Variants in ARHGEF11 observed in about 807,000 individuals in gnomAD.
ARHGEF11 encodes Rho guanine nucleotide exchange factor 11.
ARHGEF11 carries 55 observed loss-of-function variants against 193.7 expected under a neutral mutation model. That is an observed-to-expected ratio of 0.28 (90% CI 0.23 to 0.36). The LOEUF is 0.36. Among genes scored for constraint, ARHGEF11 ranks in the 10% least tolerant of loss-of-function variants. ARHGEF11 has a pLI of 1.00. For synonymous variants in ARHGEF11, 693 were observed against 768.0 expected, an observed-to-expected ratio of 0.90 and a Z score of 1.62; for missense variants, 1,723 against 2,005.6, an observed-to-expected ratio of 0.86 and a Z score of 2.69.
intron 1 of ARHGEF11, among the ~76,000 whole-genome samples, chr1:157,027,132 C>T (rs1405118834): frequency 6.6e-6 from 1 of 152,170 alleles, no homozygotes; most frequent in Non-Finnish European, 1.5e-5. Flanking sequence ...GTAATCCCAG[C>T]ACTTTAGGAG....
In ARHGEF11 at chr1:156,943,963, A is replaced by G; in HGVS notation, c.3207T>C (p.Asn1069=). ...TGGCCACAGAGCGGATGAGCACAGC[A>G]TTGAGCTTGAGCACGGGGCTGAAGG... ...KQTFSPVLKL[N]AVLIRSVATD... is the part of the protein sequence containing the mutation. Residue 1069 remains asparagine (N), a synonymous_variant, in exon 32 of 41, where the codon AAT becomes AAC. Coordinates refer to ENST00000368194, the MANE Select transcript of ARHGEF11 (RefSeq NM_198236.3). 2 of 1,614,044 alleles carry G rather than the reference A, an allele frequency of 1.2e-6. No homozygotes were observed. The highest frequency in any genetic ancestry group is 1.7e-6 in the Non-Finnish European group (2 of 1,179,952).
At chr1:156,944,874 G>T in intron 30 of ARHGEF11, 145 bp downstream of exon 30, 1 of 1,091,534 alleles carries the variant, frequency 9.2e-7, no homozygotes, top group Non-Finnish European at 1.3e-6. Context: ...CAATAGCAGG[G>T]TGTGTGTCTT....
rs1158469854 is a variant in ARHGEF11 at position 156,996,974 on chromosome 1, G to A, written c.33-10801C>T. The stretch of plus-strand genomic sequence containing the variant: ...GTTCCTGGTCTTATCTGATCCTTCC[G>A]CCTCAGCCTCTCAAGTAGCTGGGAT... On this transcript the variant is annotated intron_variant, in intron 1 of 40. Transcript: ENST00000368194. Among the ~76,000 whole-genome samples, 7 of 148,080 alleles carry A rather than the reference G, an allele frequency of 4.7e-5. No individual in the cohort carries two copies. In the South Asian group the frequency reaches 8.6e-4, roughly 18 times the overall value.
chr1:156,949,388 A>G (rs12128868), intron 22 of ARHGEF11, among the ~76,000 whole-genome samples: 30,226 of 151,840 alleles, frequency 0.2, 3,149 homozygotes, highest in East Asian at 0.32. Flanking sequence ...TGGTTTTCTG[A>G]TATTATTAGT....
At chr1:157,017,121 C>T (rs143201814) in intron 1 of ARHGEF11, among the ~76,000 whole-genome samples, 1,977 of 152,224 alleles carry the variant, frequency 0.013, 38 homozygotes, top group African/African-American at 0.045. Flanking sequence ...ATCAGGATGG[C>T]GAAGAGGTGG....
intron 19 of ARHGEF11, 28 bp from the exon 20 acceptor site, chr1:156,955,827 G>A (rs756126671): frequency 2.0e-5 from 32 of 1,575,306 alleles, no homozygotes; most frequent in Middle Eastern, 3.6e-4. Context: ...ACTGGTGTTT[G>A]CAGGAGGTCC....
intron 15 of ARHGEF11, 115 bp downstream of exon 15, chr1:156,960,303 A>T: frequency 1.0e-6 from 1 of 988,758 alleles, no homozygotes; most frequent in Non-Finnish European, 1.6e-6. Context: ...TTCCTCTATT[A>T]CAGGACGGTT....
intron 12 of ARHGEF11, 62 bp downstream of exon 12, chr1:156,963,458 A>G (rs953726165): frequency 6.4e-7 from 1 of 1,558,716 alleles, no homozygotes; most frequent in Non-Finnish European, 8.8e-7. Context: ...AACTGCTTCT[A>G]GTCAAGAGCA....
chr1:156,938,301 G>A (rs1655949034), intron 38 of ARHGEF11, 117 bp downstream of exon 38: 3 of 901,996 alleles, frequency 3.3e-6, no homozygotes, highest in Non-Finnish European at 5.0e-6. Context: ...CCCCATTCCA[G>A]GCAGCTGAGG....
intron 1 of ARHGEF11, among the ~76,000 whole-genome samples, chr1:157,005,534 T>A (rs759440262): frequency 1.1e-4 from 16 of 152,188 alleles, no homozygotes; most frequent in Non-Finnish European, 2.2e-4. Flanking sequence ...AGAATTCTGG[T>A]TGACAGAGCA....
intron 6 of ARHGEF11, 116 bp from the exon 7 acceptor site, chr1:156,977,170 G>A (rs1279694947): frequency 3.3e-6 from 3 of 903,602 alleles, no homozygotes; most frequent in African/African-American, 3.3e-5. Context: ...TGGATCATAA[G>A]TATGTTTTAT....
intron 1 of ARHGEF11, among the ~76,000 whole-genome samples, chr1:156,988,896 T>A (rs1041652485): frequency 6.6e-6 from 1 of 152,034 alleles, no homozygotes; most frequent in African/African-American, 2.4e-5. Flanking sequence ...GTGGATAGAA[T>A]CAATGGACAG....
intron 1 of ARHGEF11, among the ~76,000 whole-genome samples, chr1:157,028,909 G>C (rs556154820): frequency 1.3e-5 from 2 of 152,240 alleles, no homozygotes; most frequent in East Asian, 3.9e-4. Flanking sequence ...GCTCATGCCT[G>C]TAATCCCAGC....
intron 1 of ARHGEF11, among the ~76,000 whole-genome samples, chr1:157,032,898 G>A (rs975181593): frequency 6.6e-6 from 1 of 151,992 alleles, no homozygotes; most frequent in African/African-American, 2.4e-5. Context: ...TCACTGCCCT[G>A]GTTGCTTCTG....
At chr1:157,042,814 C>T (rs753703566) in intron 1 of ARHGEF11, among the ~76,000 whole-genome samples, 5 of 152,148 alleles carry the variant, frequency 3.3e-5, no homozygotes, top group Non-Finnish European at 7.3e-5. Flanking sequence ...AGTTCACCAT[C>T]CAAATCTTAA....
intron 10 of ARHGEF11, among the ~76,000 whole-genome samples, 171 bp from the exon 11 acceptor site, chr1:156,968,295 C>T (rs1222768760): frequency 3.3e-5 from 5 of 152,200 alleles, no homozygotes; most frequent in Admixed American, 6.5e-5. Flanking sequence ...TTATCTCATT[C>T]GATTCACACA....
At chr1:156,946,379 G>A (rs1658122236) in intron 28 of ARHGEF11, among the ~76,000 whole-genome samples, 2 of 152,174 alleles carry the variant, frequency 1.3e-5, no homozygotes, top group African/African-American at 2.4e-5. Context: ...AAACAGAAGG[G>A]CAGGCATATT....
intron 1 of ARHGEF11, among the ~76,000 whole-genome samples, chr1:157,015,500 T>C (rs989171801): frequency 6.6e-6 from 1 of 152,226 alleles, no homozygotes; most frequent in Non-Finnish European, 1.5e-5. Context: ...ACCCTGCTCC[T>C]AACTCACAGG....
intron 39 of ARHGEF11, 85 bp downstream of exon 39, chr1:156,937,164 G>C (rs140462765): frequency 3.1e-6 from 5 of 1,591,308 alleles, no homozygotes; most frequent in Non-Finnish European, 3.4e-6. Flanking sequence ...TAGGGCTCCC[G>C]CGAAGACACA....
Sources: gnomAD v4.1 joint callset for allele counts (sites outside exome capture counted in the v4.1 genomes callset) on GRCh38, gnomAD v4.1.1 for gene constraint, MANE v1.5 for transcripts, NCBI Gene and HGNC (gene_info 2026-07-23, HGNC 2026-07-21) for gene names.